The following ARHGAP23 variants were observed in gnomAD, a reference collection of about 807,000 sequenced individuals.
The protein encoded by ARHGAP23 is rho GTPase-activating protein 23.
ARHGAP23 carries 34 observed loss-of-function variants against 136.3 expected under a neutral mutation model. That is an observed-to-expected ratio of 0.25 (90% CI 0.19 to 0.33). The LOEUF (loss-of-function observed/expected upper bound fraction) is 0.33, where lower values mean the gene tolerates loss of function less well. Ranked by LOEUF, ARHGAP23 falls within the 10% of genes least tolerant of loss-of-function variation. ARHGAP23 has a pLI of 1.00. For synonymous variants in ARHGAP23, 832 were observed against 920.5 expected (o/e 0.90, Z 1.74); for missense variants, 1,808 against 2,139.0 (o/e 0.85, Z 3.05).
rs576097593 is a variant in ARHGAP23 at position 38,511,427 on chromosome 17, G to C, written c.*455G>C. 1 of 159,846 alleles carries C rather than the reference G, an allele frequency of 6.3e-6. No individual in the cohort carries two copies. Among genetic ancestry groups the C allele is most frequent in the East Asian group, 1.8e-4 (1 of 5,534 alleles). The allele number at this position is 159,846 out of a possible 1,614,324, so 9.9% of individuals were successfully genotyped here. A position where few individuals can be genotyped will look rare whatever the true frequency, so the allele number is the denominator to read the frequency against. ...AAGCGGGGATGTGTGTATGTCTGGG[G>C]AGAGGAGGTGTAGGGTGCGTATGTC... On this transcript the variant is annotated 3_prime_UTR_variant, in exon 24 of 24. Coordinates refer to ENST00000622683, the MANE Select transcript of ARHGAP23 (RefSeq NM_001199417.2).
intron 1 of ARHGAP23, among the ~76,000 whole-genome samples, chr17:38,441,251 T>G (rs2038914093): frequency 6.6e-6 from 1 of 152,214 alleles, no homozygotes; most frequent in Admixed American, 6.5e-5. Flanking sequence ...AGGCCCCCTG[T>G]GCAGAGCTCC....
At chr17:38,440,558 G>A (rs2038897900) in intron 1 of ARHGAP23, among the ~76,000 whole-genome samples, 1 of 152,252 alleles carries the variant, frequency 6.6e-6, no homozygotes, top group Admixed American at 6.5e-5. Context: ...CCAAGGTCAT[G>A]CAGTTGGGAC....
intron 10 of ARHGAP23, among the ~76,000 whole-genome samples, chr17:38,471,099 T>C (rs1277963718): frequency 2.0e-5 from 3 of 151,914 alleles, no homozygotes; most frequent in Admixed American, 6.5e-5. Flanking sequence ...ATTACAGGCA[T>C]GCGCCACCAC....
At chr17:38,438,583 A>T (rs1435950356) in intron 1 of ARHGAP23, among the ~76,000 whole-genome samples, 2 of 152,146 alleles carry the variant, frequency 1.3e-5, no homozygotes. Flanking sequence ...ACTTGCTCCC[A>T]TAGCTACTTT....
intron 1 of ARHGAP23, among the ~76,000 whole-genome samples, chr17:38,453,245 G>GT (rs902740378): frequency 1.0e-3 from 139 of 136,584 alleles, no homozygotes; most frequent in Admixed American, 1.1e-3. Flanking sequence ...CTGTGTGTGT[G>GT]GGGGGGATAG....
At chr17:38,452,189 C>A in intron 1 of ARHGAP23, 1 of 152,878 alleles carries the variant, frequency 6.5e-6, no homozygotes. Context: ...CCTAGGCTCC[C>A]TTCCCGTCCC....
chr17:38,462,960 C>T lies in ARHGAP23; in HGVS notation c.349+19C>T, dbSNP rs149987232. The T allele has an allele frequency of 2.9e-5, 45 of 1,544,768 alleles. No individual in the cohort carries two copies. The East Asian group carries it at 1.1e-3, about 38-fold the overall frequency. On this transcript the variant is annotated intron_variant, in intron 4 of 23. Coordinates refer to ENST00000622683, the MANE Select transcript of ARHGAP23 (RefSeq NM_001199417.2). ...CGCACAGGTGAGCTGGCCCAGTTAC[C>T]TGGGCTCTACTTTCTACCTTCTGGC...
At position 38,498,863 on chromosome 17, in the gene ARHGAP23, C is replaced by T. The variant is rs2040453425; in HGVS notation, c.3415+353C>T. On this transcript the variant is annotated intron_variant, in intron 22 of 23. Transcript: ENST00000622683. Reference sequence around the variant, plus strand: ...CTTCCTTTTCTCCTTGCACCCCCGCCTCTCCCTCCTCTTCTCCCCGTGCTC... The same window carrying T: ...CTTCCTTTTCTCCTTGCACCCCCGCTTCTCCCTCCTCTTCTCCCCGTGCTC... 3 of 696,466 alleles carry T rather than the reference C, an allele frequency of 4.3e-6. No homozygotes were observed. In the Admixed American group the frequency reaches 6.1e-5, roughly 14 times the overall value. 43.1% of individuals were successfully genotyped at this position (696,466 alleles called of 1,614,324 possible).
intron 1 of ARHGAP23, among the ~76,000 whole-genome samples, chr17:38,444,327 G>A (rs1215897488): frequency 6.6e-6 from 1 of 152,132 alleles, no homozygotes; most frequent in African/African-American, 2.4e-5. Context: ...CAGCCGAGAT[G>A]TGCACCCTTC....
intron 23 of ARHGAP23, 171 bp downstream of exon 23, chr17:38,500,799 C>T: frequency 1.5e-6 from 1 of 662,438 alleles, no homozygotes; most frequent in Non-Finnish European, 2.7e-6. Context: ...AATTGCTTAC[C>T]TTGGCAGTGT....
chr17:38,470,880 C>T (rs1190905867), intron 10 of ARHGAP23, among the ~76,000 whole-genome samples: 2 of 152,160 alleles, frequency 1.3e-5, no homozygotes, highest in African/African-American at 2.4e-5. Flanking sequence ...GCTGGGATTA[C>T]AGGCATAAGC....
chr17:38,475,399 C>T (rs1597809586), intron 11 of ARHGAP23, among the ~76,000 whole-genome samples: 2 of 152,246 alleles, frequency 1.3e-5, no homozygotes, highest in Non-Finnish European at 2.9e-5. Flanking sequence ...GTGCCCTTGT[C>T]ACCACCTCAC....
In ARHGAP23 at chr17:38,467,040, C is replaced by A. The variant is rs1255476108; in HGVS notation, c.1357C>A (p.Gln453Lys). ...GGGGCTGCCTACCTTCAACCTGGCC[C>A]AGTCCCCTGCGTCATTCCCACCAGA... is the stretch of plus-strand genomic sequence containing the variant. ...FGGLPTFNLA[Q>K]SPASFPPEAS... The change falls in exon 7 of 24, where the codon CAG (glutamine) becomes AAG (lysine). Residue 453 changes from glutamine to lysine, a missense_variant. By Grantham distance (53) the Gln-to-Lys change is moderately conservative. This residue lies in a region of ARHGAP23 where 859 missense variants were observed against 936.4 expected (regional missense o/e 0.92). Coordinates refer to ENST00000622683, the MANE Select transcript of ARHGAP23 (RefSeq NM_001199417.2). 6.4e-7 allele frequency: 1 copy of A among 1,550,978 alleles called. No individual in the cohort carries two copies. Among genetic ancestry groups the A allele is most frequent in the South Asian group, 1.2e-5 (1 of 84,070 alleles).
chr17:38,474,760 G>T (rs1443862891), intron 11 of ARHGAP23, among the ~76,000 whole-genome samples: 2 of 152,096 alleles, frequency 1.3e-5, no homozygotes, highest in African/African-American at 4.8e-5. Flanking sequence ...AGAGAAGTGG[G>T]GGGGCCGGGG....
intron 1 of ARHGAP23, among the ~76,000 whole-genome samples, chr17:38,441,785 A>C (rs558095125): frequency 6.6e-6 from 1 of 152,294 alleles, no homozygotes; most frequent in South Asian, 2.1e-4. Context: ...ATTATAGTCC[A>C]GGGAGAGGGG....
At chr17:38,487,289 A>G (rs7406578) in intron 17 of ARHGAP23, among the ~76,000 whole-genome samples, 91,162 of 152,108 alleles carry the variant, frequency 0.6, 29,043 homozygotes, top group East Asian at 0.8. Flanking sequence ...ATAGACTACA[A>G]TTTCTTTAAG....
At chr17:38,505,057 T>C (rs1021409034) in intron 23 of ARHGAP23, among the ~76,000 whole-genome samples, 1 of 125,476 alleles carries the variant, frequency 8.0e-6, no homozygotes, top group Non-Finnish European at 1.6e-5. Context: ...CAGGCTGGAG[T>C]GCAGTGGCCT....
At position 38,482,546 on chromosome 17, in the gene ARHGAP23, A is replaced by G; in HGVS notation, c.2775A>G (p.Ala925=). ...ENQRVPLIVA[A]CCRIVEARGL... ...AGCGCGTCCCCTTAATCGTGGCTGC[A>G]TGCTGTCGCATTGTGGAGGCACGAG... is the stretch of plus-strand genomic sequence containing the variant. Residue 925 remains alanine (A), a synonymous_variant, in exon 16 of 24, where the codon GCA becomes GCG. Coordinates refer to ENST00000622683, the MANE Select transcript of ARHGAP23 (RefSeq NM_001199417.2). 9.0e-6 allele frequency: 14 copies of G among 1,548,024 alleles called. No individual in the cohort carries two copies. The highest frequency in any genetic ancestry group is 1.2e-5 in the Non-Finnish European group (14 of 1,144,624).
At chr17:38,473,103 ATTT>A (rs59594005) in intron 11 of ARHGAP23, among the ~76,000 whole-genome samples, 138 of 129,934 alleles carry the variant, frequency 1.1e-3, no homozygotes, top group African/African-American at 3.4e-3. Context: ...AACCCGGCTA[ATTT>A]TTTTTTTTTT....
Sources: gnomAD v4.1 joint callset for allele counts (sites outside exome capture counted in the v4.1 genomes callset) on GRCh38, gnomAD v4.1.1 for gene constraint, gnomAD v4.1.1 regional missense constraint, MANE v1.5 for transcripts, NCBI Gene and HGNC (gene_info 2026-07-23, HGNC 2026-07-21) for gene names.